RASGRP3: variants seen among roughly 807,000 people sequenced by gnomAD.
RASGRP3 encodes RAS guanyl releasing protein 3, also known as ras guanyl-releasing protein 3.
Under a neutral mutation model 82.7 loss-of-function variants are expected in RASGRP3, and 54 were observed. The observed-to-expected ratio is 0.65, with a 90% CI of 0.52 to 0.82. The LOEUF (loss-of-function observed/expected upper bound fraction) is 0.82, where lower values mean the gene tolerates loss of function less well. Ranked by LOEUF, RASGRP3 falls within the 40% of genes least tolerant of loss-of-function variation. The pLI, the probability that RASGRP3 is intolerant of heterozygous loss-of-function variation, is 0.00. For missense variants in RASGRP3, 861 were observed against 828.9 expected, an observed-to-expected ratio of 1.04 and a Z score of -0.48; for synonymous variants, 309 against 300.5, an observed-to-expected ratio of 1.03 and a Z score of -0.29.
At chr2:33,483,254 A>C (rs1439012053) in intron 1 of RASGRP3, among the ~76,000 whole-genome samples, 1 of 152,118 alleles carries the variant, frequency 6.6e-6, no homozygotes, top group African/African-American at 2.4e-5. Context: ...TATTTGTCAA[A>C]TGCTGCCTTA....
chr2:33,472,423 T>A (rs1381819096), upstream of RASGRP3, among the ~76,000 whole-genome samples: 2 of 152,096 alleles, frequency 1.3e-5, no homozygotes, highest in African/African-American at 4.8e-5. Context: ...AAACATACAT[T>A]GAGATCAGAG....
Position 33,539,094 on chromosome 2 carries a change from C to A in RASGRP3, c.1162C>A (p.Gln388Lys), listed in dbSNP as rs1290422051. Reference sequence around the variant, plus strand: ...ATGTGGTTTTTTTTTTGTTTATCAGCAGCCTACCTCCCCTACGACGCCCAA... The same window carrying A: ...ATGTGGTTTTTTTTTTGTTTATCAGAAGCCTACCTCCCCTACGACGCCCAA... ...LVLEPRNSKS[Q>K]PTSPTTPNKP... The change falls in exon 12 of 18, where the codon CAG (glutamine) becomes AAG (lysine). Residue 388 changes from glutamine to lysine, a missense_variant and splice_region_variant. Coordinates refer to ENST00000403687, the MANE Select transcript of RASGRP3 (RefSeq NM_001139488.2). 6.3e-7 allele frequency: 1 copy of A among 1,580,538 alleles called. No homozygotes were observed. The highest frequency in any genetic ancestry group is 8.6e-7 in the Non-Finnish European group (1 of 1,164,062).
At chr2:33,446,959 C>T (rs1437627185) in intron 1 of RASGRP3, among the ~76,000 whole-genome samples, 2 of 151,770 alleles carry the variant, frequency 1.3e-5, no homozygotes, top group African/African-American at 4.8e-5. Context: ...CTGGCTAACG[C>T]GGTGAAACCC....
intron 1 of RASGRP3, among the ~76,000 whole-genome samples, chr2:33,506,810 G>A (rs1670419901): frequency 6.6e-6 from 1 of 152,078 alleles, no homozygotes. Flanking sequence ...CATAAATATG[G>A]GGGATTTTAG....
chr2:33,518,195 C>A (rs1274471373), intron 4 of RASGRP3, among the ~76,000 whole-genome samples: 1 of 152,160 alleles, frequency 6.6e-6, no homozygotes, highest in East Asian at 1.9e-4. Flanking sequence ...GATGCTGTAG[C>A]CTACTACACA....
intron 1 of RASGRP3, among the ~76,000 whole-genome samples, chr2:33,487,185 G>T (rs1009063900): frequency 6.6e-6 from 1 of 152,012 alleles, no homozygotes; most frequent in African/African-American, 2.4e-5. Context: ...AGTTCACAAC[G>T]TCATTCAGAC....
intron 12 of RASGRP3, chr2:33,539,583 C>G (rs1344163902): frequency 6.8e-6 from 1 of 146,708 alleles, no homozygotes; most frequent in Non-Finnish European, 1.5e-5. Flanking sequence ...GGAAAGAAAT[C>G]CTGTAAGTTG....
chr2:33,520,737 G>T, intron 6 of RASGRP3, 53 bp downstream of exon 6: 1 of 1,599,314 alleles, frequency 6.3e-7, no homozygotes, highest in Non-Finnish European at 8.6e-7. Context: ...ACTTAGGGGA[G>T]GAAGTAGTGA....
chr2:33,456,307 A>T (rs1666031876), intron 2 of RASGRP3, among the ~76,000 whole-genome samples: 1 of 152,154 alleles, frequency 6.6e-6, no homozygotes, highest in African/African-American at 2.4e-5. Context: ...GACCATCTAC[A>T]CTGTGATTAT....
At chr2:33,497,323 T>C (rs547804007) in intron 1 of RASGRP3, among the ~76,000 whole-genome samples, 2 of 152,180 alleles carry the variant, frequency 1.3e-5, no homozygotes, top group African/African-American at 2.4e-5. Flanking sequence ...GAGATAAAGA[T>C]TGGCAAGGGT....
At chr2:33,530,802 G>T (rs1673047639) in intron 10 of RASGRP3, 3 of 152,154 alleles carry the variant, frequency 2.0e-5, no homozygotes, top group African/African-American at 7.2e-5. Flanking sequence ...CACCAGGCCT[G>T]TTGAGGGAAG....
At position 33,484,759 on chromosome 2, in the gene RASGRP3, A is replaced by G. The variant is rs548517137; in HGVS notation, c.-261+8052A>G. 4.6e-5 allele frequency among the ~76,000 whole-genome samples: 7 copies of G among 152,366 alleles called. No homozygotes were observed. The East Asian group carries it at 1.3e-3, about 29-fold the overall frequency. On this transcript the variant is annotated intron_variant, in intron 1 of 17. Coordinates refer to ENST00000403687, the MANE Select transcript of RASGRP3 (RefSeq NM_001139488.2). ...GAGGTAGACAGATTAGCACTCTTGC[A>G]GAAGAGAAAAATAAATTTTAGAGAA...
chr2:33,545,629 C>T (rs1283333503), intron 13 of RASGRP3, among the ~76,000 whole-genome samples: 2 of 152,168 alleles, frequency 1.3e-5, no homozygotes, highest in African/African-American at 4.8e-5. Context: ...ATTATGAAAT[C>T]TGTGCCCATT....
intron 17 of RASGRP3, among the ~76,000 whole-genome samples, chr2:33,560,526 G>A (rs1420754515): frequency 6.6e-6 from 1 of 152,220 alleles, no homozygotes; most frequent in Non-Finnish European, 1.5e-5. Flanking sequence ...CTTCTGGGAA[G>A]AGGAGTCCAT....
In RASGRP3 at chr2:33,499,275, C is replaced by A. The variant is rs17013163; in HGVS notation, c.-260-12435C>A. ...CTCACTCTATACAGTGATTGAAACC[C>A]CAGTTTTTGGCCAGGTGCGGTGGCT... On this transcript the variant is annotated intron_variant, in intron 1 of 17. Transcript: ENST00000403687. 3.5e-3 allele frequency among the ~76,000 whole-genome samples: 526 copies of A among 152,200 alleles called. 4 individuals are homozygous for A. Among genetic ancestry groups the A allele is most frequent in the African/African-American group, 0.012 (496 of 41,536 alleles).
chr2:33,517,061 G>T (rs1039180036), intron 4 of RASGRP3, among the ~76,000 whole-genome samples: 17 of 152,100 alleles, frequency 1.1e-4, no homozygotes, highest in African/African-American at 4.1e-4. Context: ...GCTCTTACTT[G>T]GGCACAAACA....
intron 2 of RASGRP3, among the ~76,000 whole-genome samples, chr2:33,512,870 T>G (rs937498384): frequency 6.6e-6 from 1 of 152,206 alleles, no homozygotes; most frequent in Admixed American, 6.5e-5. Flanking sequence ...GAGCTTATGT[T>G]TATGACACTA....
intron 2 of RASGRP3, among the ~76,000 whole-genome samples, chr2:33,461,983 C>A (rs995869318): frequency 3.3e-5 from 5 of 152,174 alleles, no homozygotes; most frequent in Non-Finnish European, 7.3e-5. Context: ...GAAAACAGGA[C>A]TTGCAGTTAG....
chr2:33,547,780 A>G (rs944699462), intron 13 of RASGRP3, among the ~76,000 whole-genome samples: 10 of 152,218 alleles, frequency 6.6e-5, no homozygotes, highest in Admixed American at 3.9e-4. Context: ...CGCCTCCTAC[A>G]TGCAGGCATT....
Sources: gnomAD v4.1 joint callset for allele counts (sites outside exome capture counted in the v4.1 genomes callset) on GRCh38, gnomAD v4.1.1 for gene constraint, MANE v1.5 for transcripts, NCBI Gene and HGNC (gene_info 2026-07-23, HGNC 2026-07-21) for gene names.